SCAF8: variants seen among roughly 807,000 people sequenced by gnomAD.
SCAF8 encodes the protein SR-related and CTD-associated factor 8.
SCAF8 carries 23 observed loss-of-function variants against 140.5 expected under a neutral mutation model. The ratio of observed to expected loss-of-function variants is 0.16; its 90% CI spans 0.12 to 0.23. SCAF8 has a LOEUF of 0.23. SCAF8 is among the 10% of genes least tolerant of loss of function. The pLI is 1.00. For synonymous variants in SCAF8, 575 were observed against 528.9 expected (o/e 1.09, Z -1.20); for missense variants, 1,397 against 1,555.7 (o/e 0.90, Z 1.72).
intron 14 of SCAF8, 49 bp downstream of exon 14, chr6:154,818,641 T>C (rs1375855086): frequency 3.5e-6 from 3 of 868,768 alleles, no homozygotes; most frequent in Admixed American, 2.2e-5. Context: ...GTATTTTTAA[T>C]GTCTGTTATG....
At chr6:154,831,843 C>G (rs532268532) in intron 19 of SCAF8, 96 bp from the exon 20 acceptor site, 13 of 995,586 alleles carry the variant, frequency 1.3e-5, no homozygotes, top group Middle Eastern at 2.7e-4. Context: ...GCTAATGTAC[C>G]TTGATTATTG....
chr6:154,736,265 C>CTTTT lies in SCAF8; in HGVS notation c.30+2353_30+2356dup, dbSNP rs71021071. Among the ~76,000 whole-genome samples, 124 of 78,416 alleles carry CTTTT rather than the reference C, an allele frequency of 1.6e-3. 5 individuals are homozygous for CTTTT. The highest frequency in any genetic ancestry group is 6.8e-3 in the African/African-American group (115 of 16,940). The allele number at this position is 78,416 out of a possible 152,430, so 51.4% of individuals were successfully genotyped here. ...CTCCCCCTCAAAGGGCCATCCAAGA[C>CTTTT]TTTTTTTTTTTTTTTTTTTTTGGAG... On this transcript the variant is annotated intron_variant, in intron 1 of 19. Coordinates refer to ENST00000367178, the MANE Select transcript of SCAF8 (RefSeq NM_014892.5).
intron 1 of SCAF8, among the ~76,000 whole-genome samples, chr6:154,739,336 CGT>C (rs1778509082): frequency 6.6e-6 from 1 of 152,106 alleles, no homozygotes; most frequent in African/African-American, 2.4e-5. Flanking sequence ...AAAAAACAAA[CGT>C]AGTTCCTTTA....
Position 154,830,907 on chromosome 6 carries a change from C to G in SCAF8, c.2141-15C>G. The G allele has an allele frequency of 6.3e-7, 1 of 1,598,024 alleles. No homozygotes were observed. The highest frequency in any genetic ancestry group is 8.6e-7 in the Non-Finnish European group (1 of 1,166,956). On this transcript the variant is annotated splice_polypyrimidine_tract_variant and intron_variant, in intron 18 of 19. Transcript: ENST00000367178. ...CTCATTAAATCTGAAATATATTTTT[C>G]TCCTCTTTAAACAGCTTTAGTGCAG...
At chr6:154,824,642 T>C (rs140895440) in intron 17 of SCAF8, among the ~76,000 whole-genome samples, 6 of 152,214 alleles carry the variant, frequency 3.9e-5, no homozygotes, top group Non-Finnish European at 5.9e-5. Context: ...TGAATTTCTT[T>C]AGAATAATTG....
At chr6:154,808,595 C>A in intron 10 of SCAF8, 91 bp from the exon 11 acceptor site, 1 of 814,146 alleles carries the variant, frequency 1.2e-6, no homozygotes, top group South Asian at 1.5e-5. Flanking sequence ...TTAATGCTCC[C>A]ATCGTCAATA....
chr6:154,808,264 T>C, intron 10 of SCAF8, 63 bp downstream of exon 10: 2 of 1,464,206 alleles, frequency 1.4e-6, no homozygotes, highest in Non-Finnish European at 1.9e-6. Flanking sequence ...TCATAAAATA[T>C]TTTATACTAG....
At chr6:154,753,321 G>A (rs1778884810) in intron 1 of SCAF8, among the ~76,000 whole-genome samples, 2 of 152,188 alleles carry the variant, frequency 1.3e-5, no homozygotes, top group African/African-American at 4.8e-5. Context: ...ACAAAAATTA[G>A]CCAAGTGTGG....
Position 154,767,938 on chromosome 6 carries a change from CT to C in SCAF8, c.31-6050del, listed in dbSNP as rs1776629092. Among the ~76,000 whole-genome samples the C allele has an allele frequency of 1.3e-5, 2 of 152,154 alleles. 1 individual carries two copies. Among genetic ancestry groups the C allele is most frequent in the South Asian group, 4.1e-4 (2 of 4,836 alleles). ...TTGTCCAGCTTTAGATCTGTCACCT[CT>C]CTTTTGCTTTAAGGATCACATAATG... On this transcript the variant is annotated intron_variant, in intron 1 of 19. Transcript: ENST00000367178.
At chr6:154,824,417 A>G (rs72993482) in intron 17 of SCAF8, 39 bp downstream of exon 17, 34,990 of 1,548,830 alleles carry the variant, frequency 0.023, 487 homozygotes, top group Non-Finnish European at 0.026. Flanking sequence ...CTCTATTTAG[A>G]TTATCATTTA....
rs199921060 is a variant in SCAF8, at chr6:154,792,466, C to T, written c.322-357C>T. 6.6e-5 allele frequency among the ~76,000 whole-genome samples: 10 copies of T among 152,208 alleles called. No individual in the cohort carries two copies. In the East Asian group the frequency reaches 9.7e-4, roughly 15 times the overall value. On this transcript the variant is annotated intron_variant, in intron 4 of 19. Transcript: ENST00000367178. ...AAGTTAAAATCAACTATAAATATAA[C>T]GTTAGTACTGAGATGAATCCTGGCT...
chr6:154,813,677 G>A (rs1778160463), intron 12 of SCAF8, among the ~76,000 whole-genome samples: 1 of 152,100 alleles, frequency 6.6e-6, no homozygotes, highest in Non-Finnish European at 1.5e-5. Context: ...TGGCAAAAGG[G>A]ACTTTTCAGG....
At chr6:154,736,265 CTTTTTTT>C (rs71021071) in intron 1 of SCAF8, among the ~76,000 whole-genome samples, 1 of 78,450 alleles carries the variant, frequency 1.3e-5, no homozygotes, top group Non-Finnish European at 2.3e-5. Flanking sequence ...CCATCCAAGA[CTTTTTTT>C]TTTTTTTTTT....
rs1483253944 is a variant in SCAF8 at position 154,738,590 on chromosome 6, G to A, written c.30+4660G>A. ...AATTCTGAAATGATGGAAGACTTAAGTTCAGATTACAATACAAGATTTCCT... is the reference window on the plus strand; with the variant it reads ...AATTCTGAAATGATGGAAGACTTAAATTCAGATTACAATACAAGATTTCCT... On this transcript the variant is annotated intron_variant, in intron 1 of 19. Transcript: ENST00000367178. Among the ~76,000 whole-genome samples, 8 of 152,238 alleles carry A rather than the reference G, an allele frequency of 5.3e-5. No homozygotes were observed. In the East Asian group the frequency reaches 9.6e-4, roughly 18 times the overall value.
intron 2 of SCAF8, among the ~76,000 whole-genome samples, 156 bp downstream of exon 2, chr6:154,774,228 A>G (rs1193527150): frequency 6.6e-6 from 1 of 152,182 alleles, no homozygotes; most frequent in Non-Finnish European, 1.5e-5. Flanking sequence ...TGTCACCTGT[A>G]GACTCTCCCA....
At chr6:154,799,419 C>G (rs1329938251) in intron 6 of SCAF8, among the ~76,000 whole-genome samples, 4 of 151,374 alleles carry the variant, frequency 2.6e-5, no homozygotes, top group African/African-American at 9.7e-5. Context: ...GCACTAAAAT[C>G]CCAAGTTTCA....
intron 1 of SCAF8, among the ~76,000 whole-genome samples, chr6:154,767,065 A>G (rs374392318): frequency 3.0e-4 from 45 of 152,256 alleles, no homozygotes; most frequent in Middle Eastern, 3.4e-3. Context: ...TCCAGTATGA[A>G]AAGAATTTTA....
rs144752837 is a variant in SCAF8, at chr6:154,755,892, C to A, written c.31-18097C>A. ...TGCATTTCCATTGGGAAATAGCCACCTCTTAGCTTTTTGTAAATCACTGTA... is the reference window on the plus strand; with the variant it reads ...TGCATTTCCATTGGGAAATAGCCACATCTTAGCTTTTTGTAAATCACTGTA... On this transcript the variant is annotated intron_variant, in intron 1 of 19. Coordinates refer to ENST00000367178, the MANE Select transcript of SCAF8 (RefSeq NM_014892.5). 9.6e-3 allele frequency among the ~76,000 whole-genome samples: 1,457 copies of A among 152,292 alleles called. 27 individuals are homozygous for A. The highest frequency in any genetic ancestry group is 0.033 in the African/African-American group (1,384 of 41,550).
At chr6:154,796,980 CAA>C (rs761510703) in intron 6 of SCAF8, among the ~76,000 whole-genome samples, 2 of 133,704 alleles carry the variant, frequency 1.5e-5, no homozygotes. Flanking sequence ...ACAAAAATCT[CAA>C]AAAAAAAAAA....
Sources: allele counts gnomAD v4.1 joint callset (sites outside exome capture counted in the v4.1 genomes callset), GRCh38; gene constraint gnomAD v4.1.1; transcripts MANE v1.5; gene names NCBI Gene and HGNC (gene_info 2026-07-23, HGNC 2026-07-21).